The following TLN2 variants were observed in gnomAD, a reference collection of about 807,000 sequenced individuals.
TLN2 encodes talin-2.
A neutral mutation model predicts 294.7 loss-of-function variants in TLN2; 118 were observed. That is an observed-to-expected ratio of 0.40 (90% CI 0.34 to 0.47). TLN2 has a LOEUF of 0.47. Among genes scored for constraint, TLN2 ranks in the 20% least tolerant of loss-of-function variants. The pLI is 0.84. For missense variants in TLN2, 3,083 were observed against 3,282.2 expected, an observed-to-expected ratio of 0.94 and a Z score of 1.48; for synonymous variants, 1,431 against 1,304.5, an observed-to-expected ratio of 1.10 and a Z score of -2.09.
At chr15:62,422,178 C>A (rs1212948408) in intron 1 of TLN2, among the ~76,000 whole-genome samples, 1 of 125,180 alleles carries the variant, frequency 8.0e-6, no homozygotes, top group African/African-American at 3.0e-5. Flanking sequence ...GAGAATCAGC[C>A]ATTGCACTCC....
At chr15:62,747,902 A>T (rs1041097252) in intron 32 of TLN2, among the ~76,000 whole-genome samples, 1 of 152,202 alleles carries the variant, frequency 6.6e-6, no homozygotes, top group Non-Finnish European at 1.5e-5. Context: ...GTGGAAGTGG[A>T]TCATCATAAA....
intron 19 of TLN2, among the ~76,000 whole-genome samples, chr15:62,706,355 T>G (rs778564017): frequency 6.6e-6 from 1 of 152,264 alleles, no homozygotes; most frequent in African/African-American, 2.4e-5. Context: ...GCCTAGTCAT[T>G]GAGTTGAAGC....
At chr15:62,657,284 C>CTG (rs146599871) in intron 8 of TLN2, among the ~76,000 whole-genome samples, 7 of 151,628 alleles carry the variant, frequency 4.6e-5, no homozygotes, top group South Asian at 2.1e-4. Flanking sequence ...GAGTTCTTGT[C>CTG]TGTGTGTGTG....
chr15:62,724,746 C>A (rs529752142), intron 26 of TLN2, among the ~76,000 whole-genome samples: 2 of 152,236 alleles, frequency 1.3e-5, no homozygotes, highest in African/African-American at 2.4e-5. Context: ...GGAACTCTTA[C>A]TATATCCAGT....
chr15:62,740,667 A>G lies in TLN2; in HGVS notation c.3923A>G (p.Lys1308Arg), dbSNP rs1278059616. 1.9e-6 allele frequency: 3 copies of G among 1,614,090 alleles called. No homozygotes were observed. Among genetic ancestry groups the G allele is most frequent in the African/African-American group, 1.3e-5 (1 of 74,936 alleles). The change falls in exon 32 of 59, where the codon AAG (lysine) becomes AGG (arginine). Residue 1308 changes from lysine (K) to arginine (R), a missense_variant. Coordinates refer to ENST00000636159, the MANE Select transcript of TLN2 (RefSeq NM_015059.3). ...EDQIQVIGNL[K>R]NISMASSKLL... Reference sequence around the variant, plus strand: ...CAGATCCAAGTGATAGGGAACCTCAAGAATATCTCGATGGCATCCAGCAAG... The same window carrying G: ...CAGATCCAAGTGATAGGGAACCTCAGGAATATCTCGATGGCATCCAGCAAG...
chr15:62,620,109 G>C (rs1249466087), intron 3 of TLN2, among the ~76,000 whole-genome samples: 2 of 152,198 alleles, frequency 1.3e-5, no homozygotes, highest in Admixed American at 1.3e-4. Flanking sequence ...TTGAGTAGCT[G>C]GGACTACAGC....
At chr15:62,686,619 C>G (rs752032192) in intron 11 of TLN2, 22 bp from the exon 12 acceptor site, 1 of 1,602,534 alleles carries the variant, frequency 6.2e-7, no homozygotes, top group South Asian at 1.1e-5. Flanking sequence ...AGAGCACTGA[C>G]TCTTGGTATC....
chr15:62,661,369 C>T (rs1161757400), intron 9 of TLN2, among the ~76,000 whole-genome samples: 1 of 151,976 alleles, frequency 6.6e-6, no homozygotes, highest in Non-Finnish European at 1.5e-5. Flanking sequence ...TATAGATAGA[C>T]TGCATATGGA....
intron 1 of TLN2, among the ~76,000 whole-genome samples, chr15:62,578,153 T>A (rs2044593309): frequency 6.6e-6 from 1 of 152,234 alleles, no homozygotes; most frequent in South Asian, 2.1e-4. Context: ...ACAATAAACA[T>A]TGTATGTATT....
At chr15:62,464,521 A>G (rs370437797) in intron 1 of TLN2, among the ~76,000 whole-genome samples, 1 of 152,026 alleles carries the variant, frequency 6.6e-6, no homozygotes, top group Non-Finnish European at 1.5e-5. Context: ...ATGTATACCT[A>G]TATATCAAAC....
chr15:62,668,773 A>G (rs758835623), intron 9 of TLN2, among the ~76,000 whole-genome samples: 5 of 152,172 alleles, frequency 3.3e-5, no homozygotes, highest in African/African-American at 4.8e-5. Context: ...GTCAGTACTC[A>G]GTTAATCTGC....
At chr15:62,650,334 A>G (rs2052448900) in intron 5 of TLN2, among the ~76,000 whole-genome samples, 153 bp downstream of exon 5, 1 of 152,218 alleles carries the variant, frequency 6.6e-6, no homozygotes, top group Non-Finnish European at 1.5e-5. Context: ...TGGTGATAGA[A>G]AATGTCAGAT....
At chr15:62,723,885 C>A (rs1190606266) in intron 26 of TLN2, among the ~76,000 whole-genome samples, 1 of 151,976 alleles carries the variant, frequency 6.6e-6, no homozygotes, top group African/African-American at 2.4e-5. Context: ...ATTAAGAGTT[C>A]AGGCTCTAAT....
At chr15:62,638,067 A>G (rs1341345020) in intron 3 of TLN2, 1 of 154,298 alleles carries the variant, frequency 6.5e-6, no homozygotes, top group Non-Finnish European at 1.4e-5. Context: ...TTTTCCATAC[A>G]TTTCAAAATG....
chr15:62,697,662 A>G (rs2058441565), intron 14 of TLN2, 26 bp from the exon 15 acceptor site: 1 of 1,582,000 alleles, frequency 6.3e-7, no homozygotes. Context: ...GTGTTCTCTC[A>G]GTGACCAAAC....
chr15:62,660,762 T>C (rs1400901760), intron 9 of TLN2, among the ~76,000 whole-genome samples: 2 of 152,240 alleles, frequency 1.3e-5, no homozygotes, highest in African/African-American at 2.4e-5. Context: ...AGATGTGTTT[T>C]ATTGTGTCAG....
chr15:62,581,544 C>T (rs1026035266), intron 1 of TLN2, among the ~76,000 whole-genome samples: 6 of 152,094 alleles, frequency 3.9e-5, no homozygotes, highest in African/African-American at 1.2e-4. Context: ...AATAAGAGCA[C>T]GTTTGTGCTC....
At chr15:62,604,255 A>G (rs1238243178) in intron 2 of TLN2, among the ~76,000 whole-genome samples, 1 of 152,066 alleles carries the variant, frequency 6.6e-6, no homozygotes, top group Non-Finnish European at 1.5e-5. Context: ...GGTGGCTCTC[A>G]ACTGTAATTC....
At chr15:62,671,750 A>C (rs938206268) in intron 9 of TLN2, among the ~76,000 whole-genome samples, 2 of 152,080 alleles carry the variant, frequency 1.3e-5, no homozygotes, top group African/African-American at 4.8e-5. Flanking sequence ...CACCACTACT[A>C]CCAAACTATT....
Sources: allele counts gnomAD v4.1 joint callset (sites outside exome capture counted in the v4.1 genomes callset), GRCh38; gene constraint gnomAD v4.1.1; transcripts MANE v1.5; gene names NCBI Gene and HGNC (gene_info 2026-07-23, HGNC 2026-07-21).